ZNF423: variants seen among roughly 807,000 people sequenced by gnomAD.
ZNF423 encodes the protein Ebf-associated zinc finger protein.
In ZNF423, 12 loss-of-function variants were observed where a neutral mutation model predicts 95.8. That is an observed-to-expected ratio of 0.13 (90% CI 0.08 to 0.20). ZNF423 has a LOEUF of 0.20. ZNF423 is among the 10% of genes least tolerant of loss of function. The pLI is 1.00. For synonymous variants in ZNF423, 749 were observed against 711.9 expected (o/e 1.05, Z -0.83); for missense variants, 1,316 against 1,737.1 (o/e 0.76, Z 4.31).
intron 1 of ZNF423, among the ~76,000 whole-genome samples, chr16:49,833,687 GAC>G (rs1176086964): frequency 6.7e-6 from 1 of 150,344 alleles, no homozygotes; most frequent in Non-Finnish European, 1.5e-5. Context: ...AGAAGGAAAA[GAC>G]AGAAAATGCA....
chr16:49,808,978 C>T lies in ZNF423; in HGVS notation c.41-19432G>A, dbSNP rs572712798. On this transcript the variant is annotated intron_variant, in intron 1 of 7. Coordinates refer to ENST00000563137, the MANE Select transcript of ZNF423 (RefSeq NM_001379286.1). Reference sequence around the variant, plus strand: ...GAAAGGATACCACTGAGGGCCAGAGCCCCTGGCAGGAGGCACGTCCCCGAG... The same window carrying T: ...GAAAGGATACCACTGAGGGCCAGAGTCCCTGGCAGGAGGCACGTCCCCGAG... Among the ~76,000 whole-genome samples the T allele has an allele frequency of 2.0e-5, 3 of 152,314 alleles. No individual in the cohort carries two copies. The East Asian group carries it at 5.8e-4, about 29-fold the overall frequency.
At chr16:49,564,924 G>T (rs1970139014) in intron 5 of ZNF423, among the ~76,000 whole-genome samples, 1 of 152,134 alleles carries the variant, frequency 6.6e-6, no homozygotes, top group Non-Finnish European at 1.5e-5. Flanking sequence ...TAAATTCCCG[G>T]CATTCCACGG....
intron 5 of ZNF423, among the ~76,000 whole-genome samples, chr16:49,600,169 A>G (rs1167839907): frequency 6.6e-6 from 1 of 151,866 alleles, no homozygotes; most frequent in African/African-American, 2.4e-5. Context: ...AAAATCAGCC[A>G]GACATGGTGG....
At position 49,586,913 on chromosome 16, in the gene ZNF423, C is replaced by T. The variant is rs544231398; in HGVS notation, c.3601+39257G>A. The stretch of plus-strand genomic sequence containing the variant: ...CACCAAGGCACTTTGTTTTCTGAAA[C>T]CCCAGCCCCAGCTGCCTTGGAGGAG... On this transcript the variant is annotated intron_variant, in intron 5 of 7. Transcript: ENST00000563137. Among the ~76,000 whole-genome samples the T allele has an allele frequency of 1.1e-3, 168 of 152,190 alleles. 2 individuals carry two copies. In the Middle Eastern group the frequency reaches 0.014, roughly 12 times the overall value.
At chr16:49,551,749 G>A (rs1264470950) in intron 5 of ZNF423, among the ~76,000 whole-genome samples, 8 of 152,206 alleles carry the variant, frequency 5.3e-5, no homozygotes, top group African/African-American at 1.9e-4. Context: ...GTGGGTGGGG[G>A]CTGGAAGACA....
chr16:49,798,636 A>C (rs1434090836), intron 1 of ZNF423, among the ~76,000 whole-genome samples: 2 of 152,254 alleles, frequency 1.3e-5, no homozygotes, highest in African/African-American at 4.8e-5. Flanking sequence ...TTAAAGCAGA[A>C]TATTCCAATG....
At chr16:49,825,999 C>T (rs988995063) in intron 1 of ZNF423, among the ~76,000 whole-genome samples, 2 of 152,162 alleles carry the variant, frequency 1.3e-5, no homozygotes, top group African/African-American at 4.8e-5. Flanking sequence ...TCTCTTGACC[C>T]CAGGAGTTCG....
intron 1 of ZNF423, among the ~76,000 whole-genome samples, chr16:49,818,376 C>G (rs2034889150): frequency 6.6e-6 from 1 of 152,062 alleles, no homozygotes; most frequent in Admixed American, 6.6e-5. Context: ...CCAATACAGT[C>G]GCTACTACCC....
chr16:49,773,546 A>G (rs2034072168), intron 2 of ZNF423, among the ~76,000 whole-genome samples: 1 of 152,190 alleles, frequency 6.6e-6, no homozygotes, highest in East Asian at 1.9e-4. Context: ...GTTGACTGCA[A>G]TTGCCAATCC....
intron 3 of ZNF423, chr16:49,708,362 C>T (rs915249372): frequency 1.2e-4 from 18 of 152,004 alleles, no homozygotes; most frequent in Non-Finnish European, 2.4e-4. Context: ...GCGGCAAGAT[C>T]TCAGCCCACT....
chr16:49,807,438 A>C (rs1312099188), intron 1 of ZNF423, among the ~76,000 whole-genome samples: 1 of 152,188 alleles, frequency 6.6e-6, no homozygotes, highest in Non-Finnish European at 1.5e-5. Flanking sequence ...TCAAAAAAAA[A>C]ACAAAAAATA....
intron 3 of ZNF423, among the ~76,000 whole-genome samples, chr16:49,641,253 C>G (rs1248421789): frequency 1.3e-5 from 2 of 152,190 alleles, no homozygotes; most frequent in Non-Finnish European, 2.9e-5. Context: ...ATTCAGGCCC[C>G]TTGATCGTGA....
intron 5 of ZNF423, among the ~76,000 whole-genome samples, chr16:49,592,403 A>G (rs1275545281): frequency 2.0e-5 from 3 of 152,232 alleles, no homozygotes; most frequent in African/African-American, 7.2e-5. Flanking sequence ...GCCAATTAGG[A>G]AAATTGATAA....
At position 49,660,843 on chromosome 16, in the gene ZNF423, G is replaced by C. The variant is rs538465159; in HGVS notation, c.302-21969C>G. Among the ~76,000 whole-genome samples, 27 of 149,444 alleles carry C rather than the reference G, an allele frequency of 1.8e-4. No individual in the cohort carries two copies. The East Asian group carries it at 2.3e-3, about 13-fold the overall frequency. ...AGCTGGGGCAGGGTGTGGGGGGATG[G>C]GGGGGGAGCTTACTTATTCAGACCA... On this transcript the variant is annotated intron_variant, in intron 3 of 7. Coordinates refer to ENST00000563137, the MANE Select transcript of ZNF423 (RefSeq NM_001379286.1).
chr16:49,682,504 C>T (rs943242427), intron 3 of ZNF423, among the ~76,000 whole-genome samples: 7 of 152,240 alleles, frequency 4.6e-5, no homozygotes, highest in African/African-American at 1.7e-4. Flanking sequence ...TTCCCTTCAC[C>T]TCCCTCTGCA....
intron 3 of ZNF423, among the ~76,000 whole-genome samples, chr16:49,716,545 G>A (rs1321057632): frequency 6.6e-6 from 1 of 152,202 alleles, no homozygotes; most frequent in African/African-American, 2.4e-5. Flanking sequence ...AACACAAAAT[G>A]AAGCATTTTA....
intron 5 of ZNF423, among the ~76,000 whole-genome samples, chr16:49,594,452 A>T (rs775858564): frequency 1.3e-5 from 2 of 152,156 alleles, no homozygotes; most frequent in South Asian, 4.1e-4. Context: ...GTGCATACTG[A>T]CACAAACAGA....
chr16:49,817,112 C>T (rs2034867687), intron 1 of ZNF423, among the ~76,000 whole-genome samples: 1 of 152,146 alleles, frequency 6.6e-6, no homozygotes, highest in African/African-American at 2.4e-5. Context: ...TTTGCCATCT[C>T]GAAATAAGTC....
At chr16:49,546,543 C>A (rs146590077) in intron 5 of ZNF423, among the ~76,000 whole-genome samples, 196 of 152,218 alleles carry the variant, frequency 1.3e-3, no homozygotes, top group Admixed American at 1.9e-3. Context: ...TAGTTGGCGG[C>A]TATAAAGGGA....
Sources: allele counts gnomAD v4.1 joint callset (sites outside exome capture counted in the v4.1 genomes callset), GRCh38; gene constraint gnomAD v4.1.1; transcripts MANE v1.5; gene names NCBI Gene and HGNC (gene_info 2026-07-23, HGNC 2026-07-21).